Variants in SLC5A4 observed in about 807,000 individuals in gnomAD.
The protein encoded by SLC5A4 is probable glucose sensor protein SLC5A4.
A neutral mutation model predicts 70.3 loss-of-function variants in SLC5A4; 55 were observed. The ratio of observed to expected loss-of-function variants is 0.78; its 90% confidence interval spans 0.63 to 0.98. The LOEUF (loss-of-function observed/expected upper bound fraction) is 0.98, where lower values mean the gene tolerates loss of function less well. Ranked by LOEUF, SLC5A4 falls within the 50% of genes least tolerant of loss-of-function variation. The pLI, the probability that SLC5A4 is intolerant of heterozygous loss-of-function variation, is 0.00. For missense variants in SLC5A4, 735 were observed against 839.2 expected, an observed-to-expected ratio of 0.88 and a Z score of 1.53; for synonymous variants, 268 against 305.7, an observed-to-expected ratio of 0.88 and a Z score of 1.29.
At chr22:32,298,999 T>A in the SLC5A4 span, among the ~76,000 whole-genome samples, 1 of 137,604 alleles carries the variant, frequency 7.3e-6, no homozygotes, top group Non-Finnish European at 1.6e-5. Context: ...CTCTTCTGGC[T>A]TGTAGGGTTT....
At chr22:32,335,787 G>T in the SLC5A4 span, among the ~76,000 whole-genome samples, 29 of 140,000 alleles carry the variant, frequency 2.1e-4, no homozygotes, top group Non-Finnish European at 3.8e-4. Context: ...GGCTGAAGGG[G>T]TCAGGTGACA....
At chr22:32,255,519 G>A (rs1927435206), upstream of SLC5A4, among the ~76,000 whole-genome samples, 1 of 152,160 alleles carries the variant, frequency 6.6e-6, no homozygotes, top group African/African-American at 2.4e-5. Context: ...GGTAGAGTGT[G>A]AGAATGAGGG....
At chr22:32,258,857 G>A (rs5998348), upstream of SLC5A4, among the ~76,000 whole-genome samples, 11,850 of 152,232 alleles carry the variant, frequency 0.078, 729 homozygotes, top group African/African-American at 0.18. Flanking sequence ...TAAAGACTAT[G>A]TGGTATATGC....
the SLC5A4 span, among the ~76,000 whole-genome samples, chr22:32,319,206 G>C: frequency 6.6e-6 from 1 of 152,090 alleles, no homozygotes; most frequent in Non-Finnish European, 1.5e-5. Flanking sequence ...CATGCCATCA[G>C]CTCTCCTGGG....
At chr22:32,334,463 G>T in the SLC5A4 span, among the ~76,000 whole-genome samples, 1 of 152,196 alleles carries the variant, frequency 6.6e-6, no homozygotes, top group South Asian at 2.1e-4. Flanking sequence ...ATACTGCCTT[G>T]TGTCCCCCCA....
At position 32,221,081 on chromosome 22, in the gene SLC5A4, T is replaced by C. The variant is rs1037641131; in HGVS notation, c.1666-59A>G. The C allele has an allele frequency of 4.8e-6, 5 of 1,037,714 alleles. No homozygotes were observed. The Admixed American group carries it at 6.9e-5, about 14-fold the overall frequency. The allele number at this position is 1,037,714 out of a possible 1,614,324, so 64.3% of individuals were successfully genotyped here. Reference sequence around the variant, plus strand: ...TAGGCAAATGTTTGCAATAGTATAATAGAATGGTACCTTTGTTTATCGTCT... The same window carrying C: ...TAGGCAAATGTTTGCAATAGTATAACAGAATGGTACCTTTGTTTATCGTCT... On this transcript the variant is annotated intron_variant, in intron 13 of 14. Coordinates refer to ENST00000266086, the MANE Select transcript of SLC5A4 (RefSeq NM_014227.3).
the SLC5A4 span, chr22:32,269,217 T>C: frequency 5.9e-6 from 1 of 168,630 alleles, no homozygotes; most frequent in African/African-American, 2.4e-5. The surrounding 1 kb of genome is among the most constrained non-coding windows in gnomAD (Gnocchi z 4.1). Context: ...TTTTTTAGCA[T>C]GTCTACAGGA....
chr22:32,304,264 C>A, the SLC5A4 span, among the ~76,000 whole-genome samples: 3 of 151,682 alleles, frequency 2.0e-5, no homozygotes, highest in African/African-American at 4.8e-5. Flanking sequence ...ATAGCTGGGA[C>A]TGCAGGCATG....
the SLC5A4 span, among the ~76,000 whole-genome samples, chr22:32,331,135 T>TATGTGTTGAAGG: frequency 6.3e-5 from 6 of 95,442 alleles, 1 homozygote; most frequent in Non-Finnish European, 9.7e-5. Flanking sequence ...CTCTGGTGTG[T>TATGTGTTGAAGG]CTGTGTGTTG....
chr22:32,298,171 C>G, the SLC5A4 span, among the ~76,000 whole-genome samples: 2 of 147,254 alleles, frequency 1.4e-5, no homozygotes, highest in Admixed American at 1.4e-4. Flanking sequence ...CTGCTAGGTC[C>G]GCTTGGTGCA....
the SLC5A4 span, among the ~76,000 whole-genome samples, chr22:32,289,283 C>T: frequency 9.9e-5 from 15 of 152,070 alleles, no homozygotes; most frequent in African/African-American, 3.6e-4. Flanking sequence ...TTTCTGATGT[C>T]AAAGCAACCT....
At chr22:32,304,100 C>T in the SLC5A4 span, among the ~76,000 whole-genome samples, 120 of 152,258 alleles carry the variant, frequency 7.9e-4, no homozygotes, top group African/African-American at 2.8e-3. Flanking sequence ...CTTCTTTGGT[C>T]TTTGGCTCAT....
At chr22:32,322,327 C>T in the SLC5A4 span, among the ~76,000 whole-genome samples, 19 of 152,286 alleles carry the variant, frequency 1.2e-4, no homozygotes, top group Admixed American at 4.6e-4. Context: ...CAGTGGCTCA[C>T]GCCTGTAATC....
At chr22:32,277,556 TA>T in the SLC5A4 span, among the ~76,000 whole-genome samples, 2 of 152,184 alleles carry the variant, frequency 1.3e-5, no homozygotes, top group East Asian at 1.9e-4. Flanking sequence ...TTTACTTATT[TA>T]TTTTTTTTGA....
the SLC5A4 span, among the ~76,000 whole-genome samples, chr22:32,308,137 C>G: frequency 6.6e-6 from 1 of 152,024 alleles, no homozygotes; most frequent in Non-Finnish European, 1.5e-5. Context: ...ACGATCTCAG[C>G]TCACTGCAAG....
the SLC5A4 span, among the ~76,000 whole-genome samples, chr22:32,352,382 C>G: frequency 1.3e-5 from 2 of 150,820 alleles, no homozygotes; most frequent in Non-Finnish European, 2.9e-5. Context: ...CAAACATGCA[C>G]GTTGTGCTCA....
the SLC5A4 span, among the ~76,000 whole-genome samples, chr22:32,309,162 C>G: frequency 1.5e-5 from 2 of 136,196 alleles, no homozygotes; most frequent in Admixed American, 7.1e-5. Flanking sequence ...AACATGAGGG[C>G]AGCGAGCCAG....
chr22:32,314,285 TGAA>T, the SLC5A4 span, among the ~76,000 whole-genome samples: 1 of 152,302 alleles, frequency 6.6e-6, no homozygotes, highest in East Asian at 1.9e-4. Context: ...TGTACTTACT[TGAA>T]TAATTTATTG....
At chr22:32,255,093 G>A (rs1326403857) in intron 1 of SLC5A4, 102 bp downstream of exon 1, 4 of 1,058,648 alleles carry the variant, frequency 3.8e-6, no homozygotes, top group Non-Finnish European at 5.7e-6. Flanking sequence ...ATAACACAAT[G>A]ACATTTGTGA....
Sources: gnomAD v4.1 joint callset for allele counts (sites outside exome capture counted in the v4.1 genomes callset) on GRCh38, gnomAD v4.1.1 for gene constraint, Gnocchi (gnomAD v3.1) non-coding constraint, MANE v1.5 for transcripts, NCBI Gene and HGNC (gene_info 2026-07-23, HGNC 2026-07-21) for gene names.